WNT6: variants seen among roughly 807,000 people sequenced by gnomAD.
WNT6 encodes Wnt family member 6, also known as protein Wnt-6.
A neutral mutation model predicts 33.1 loss-of-function variants in WNT6; 27 were observed. The observed-to-expected ratio is 0.82, with a 90% confidence interval of 0.60 to 1.12. The LOEUF is 1.12. Among genes scored for constraint, WNT6 ranks in the 50% most tolerant of loss-of-function variants. The probability of loss-of-function intolerance (pLI) is 0.00; values close to 1 mark genes in which losing one functional copy is unlikely to be tolerated. For missense variants in WNT6, 494 were observed against 535.3 expected (o/e 0.92, Z 0.76); for synonymous variants, 249 against 242.8 (o/e 1.03, Z -0.24).
chr2:218,864,250 T>C (rs1258725494), intron 1 of WNT6, among the ~76,000 whole-genome samples: 2 of 152,134 alleles, frequency 1.3e-5, no homozygotes. Flanking sequence ...CCTCTGTTTT[T>C]TTCTTTTCTT....
chr2:218,868,004 T>C (rs1309100289), intron 1 of WNT6, among the ~76,000 whole-genome samples: 2 of 152,142 alleles, frequency 1.3e-5, no homozygotes, highest in Non-Finnish European at 2.9e-5. Flanking sequence ...CAATGCCCCC[T>C]GCCACGCCCC....
Position 218,873,443 on chromosome 2 carries a change from G to A in WNT6, c.696G>A (p.Ala232=), listed in dbSNP as rs1041777597. The A allele has an allele frequency of 3.9e-6, 6 of 1,538,348 alleles. No homozygotes were observed. The highest frequency in any genetic ancestry group is 5.2e-6 in the Non-Finnish European group (6 of 1,146,658). ...CKCHGLSGSC[A]LRTCWQKLPP... is the part of the protein sequence containing the mutation. ...GCCACGGGCTGTCGGGATCATGCGCGCTGCGCACCTGCTGGCAGAAGCTGC... is the reference window on the plus strand; with the variant it reads ...GCCACGGGCTGTCGGGATCATGCGCACTGCGCACCTGCTGGCAGAAGCTGC... Residue 232 remains alanine, a synonymous_variant, in exon 4 of 4, where the codon GCG becomes GCA. Transcript: ENST00000233948. This position sits in a 1 kb window ranked among gnomAD's most constrained non-coding sequence, Gnocchi z 6.1.
chr2:218,861,412 C>G (rs552120508), intron 1 of WNT6, among the ~76,000 whole-genome samples: 1 of 152,320 alleles, frequency 6.6e-6, no homozygotes, highest in South Asian at 2.1e-4. Flanking sequence ...CTTCCTTTCC[C>G]TACCTCTCAG....
chr2:218,873,815 T>A lies in WNT6; in HGVS notation c.1068T>A (p.Arg356=), dbSNP rs1430462269. The change falls in exon 4 of 4, where the codon CGT becomes CGA. Residue 356 remains arginine, a synonymous_variant. Coordinates refer to ENST00000233948, the MANE Select transcript of WNT6 (RefSeq NM_006522.4). The surrounding 1 kb of genome is among the most constrained non-coding windows in gnomAD (Gnocchi z 6.1). ...GCGTAGTACAGTGCCACCGCTGCCG[T>A]GTGCGCAAGGAGCTCAGCCTCTGCC... ...WCCVVQCHRC[R]VRKELSLCL is the part of the protein sequence containing the mutation. 1 of 1,540,996 alleles carries A rather than the reference T, an allele frequency of 6.5e-7. No homozygotes were observed.
chr2:218,871,871 C>A lies in WNT6; in HGVS notation c.636+52C>A. The A allele has an allele frequency of 6.8e-7, 1 of 1,472,936 alleles. No individual in the cohort carries two copies. Among genetic ancestry groups the A allele is most frequent in the South Asian group, 1.3e-5 (1 of 75,114 alleles). 91.2% of individuals were successfully genotyped at this position (1,472,936 alleles called of 1,614,324 possible). On this transcript the variant is annotated intron_variant, in intron 3 of 3. Coordinates refer to ENST00000233948, the MANE Select transcript of WNT6 (RefSeq NM_006522.4). This position sits in a 1 kb window ranked among gnomAD's most constrained non-coding sequence, Gnocchi z 6.4. ...GTGTGCGGAAATGTGAGTGTGCGCG[C>A]AGGAGTGTGCTTGAGGAAGTGTTGG...
chr2:218,865,265 C>T (rs1944344970), intron 1 of WNT6, among the ~76,000 whole-genome samples: 1 of 152,196 alleles, frequency 6.6e-6, no homozygotes, highest in African/African-American at 2.4e-5. Context: ...AGGGTGGCCG[C>T]AGGACGCCTG....
rs1199885118 is a variant in WNT6 at position 218,873,270 on chromosome 2, A to G, written c.637-114A>G. Reference sequence around the variant, plus strand: ...GAACTTGCGGTCTCCTTTTGTCTGCATTTTCCTCTCTTCCTTTCACCTCCC... The same window carrying G: ...GAACTTGCGGTCTCCTTTTGTCTGCGTTTTCCTCTCTTCCTTTCACCTCCC... On this transcript the variant is annotated intron_variant, in intron 3 of 3. Coordinates refer to ENST00000233948, the MANE Select transcript of WNT6 (RefSeq NM_006522.4). The surrounding 1 kb of genome is among the most constrained non-coding windows in gnomAD (Gnocchi z 6.1). The G allele has an allele frequency of 7.3e-6, 8 of 1,096,280 alleles. No individual in the cohort carries two copies. Among genetic ancestry groups the G allele is most frequent in the Non-Finnish European group, 1.0e-5 (8 of 785,096 alleles). The allele number at this position is 1,096,280 out of a possible 1,614,324, so 67.9% of individuals were successfully genotyped here. A position where few individuals can be genotyped will look rare whatever the true frequency, so the allele number is the denominator to read the frequency against.
chr2:218,868,370 G>A (rs936729916), intron 1 of WNT6, among the ~76,000 whole-genome samples: 2 of 152,152 alleles, frequency 1.3e-5, no homozygotes, highest in African/African-American at 4.8e-5. Flanking sequence ...AGGAGGGAGA[G>A]GAGAAGGATG....
intron 1 of WNT6, among the ~76,000 whole-genome samples, chr2:218,868,514 G>A (rs1174349926): frequency 6.6e-6 from 1 of 152,170 alleles, no homozygotes; most frequent in Non-Finnish European, 1.5e-5. Context: ...TGAGCTTGCA[G>A]AGCCCCCGAC....
chr2:218,873,899 G>A lies in WNT6; in HGVS notation c.*54G>A. 1.4e-6 allele frequency: 2 copies of A among 1,390,322 alleles called. No individual in the cohort carries two copies. Among genetic ancestry groups the A allele is most frequent in the Non-Finnish European group, 1.9e-6 (2 of 1,076,136 alleles). The allele number at this position is 1,390,322 out of a possible 1,614,324, so 86.1% of individuals were successfully genotyped here. A position where few individuals can be genotyped will look rare whatever the true frequency, so the allele number is the denominator to read the frequency against. On this transcript the variant is annotated 3_prime_UTR_variant, in exon 4 of 4. Coordinates refer to ENST00000233948, the MANE Select transcript of WNT6 (RefSeq NM_006522.4). The surrounding 1 kb of genome is among the most constrained non-coding windows in gnomAD (Gnocchi z 6.1). ...GCGCAGCGGTGGCTCGCACCTGTGG[G>A]ACCTCAGGGCACCGGCACCGGGCGC... is the stretch of plus-strand genomic sequence containing the variant.
intron 1 of WNT6, among the ~76,000 whole-genome samples, chr2:218,870,727 G>C (rs535613555): frequency 1.5e-4 from 23 of 152,340 alleles, no homozygotes; most frequent in Non-Finnish European, 2.8e-4. Flanking sequence ...TGACTTACCT[G>C]ATGCCAGCTG....
rs1221285633 is a variant in WNT6 at position 218,873,737 on chromosome 2, C to T, written c.990C>T (p.Arg330=). ...TGCTGTGCTGCGGCCGCGGGCACCG[C>T]CAGGAGAGCGTGCAGCTCGAAGAGA... ...CDLLCCGRGH[R]QESVQLEENC... is the part of the protein sequence containing the mutation. The change falls in exon 4 of 4, where the codon CGC becomes CGT. Residue 330 remains arginine, a synonymous_variant. Coordinates refer to ENST00000233948, the MANE Select transcript of WNT6 (RefSeq NM_006522.4). The surrounding 1 kb of genome is among the most constrained non-coding windows in gnomAD (Gnocchi z 6.1). 1 of 1,580,240 alleles carries T rather than the reference C, an allele frequency of 6.3e-7. No homozygotes were observed. Among genetic ancestry groups the T allele is most frequent in the East Asian group, 2.3e-5 (1 of 43,318 alleles).
Position 218,867,957 on chromosome 2 carries a change from G to A in WNT6, c.81-3070G>A, listed in dbSNP as rs1415668718. 6.6e-6 allele frequency among the ~76,000 whole-genome samples: 1 copy of A among 152,246 alleles called. No homozygotes were observed. The highest frequency in any genetic ancestry group is 2.4e-5 in the African/African-American group (1 of 41,472). On this transcript the variant is annotated intron_variant, in intron 1 of 3. Transcript: ENST00000233948. This position sits in a 1 kb window ranked among gnomAD's most constrained non-coding sequence, Gnocchi z 4.9. Reference sequence around the variant, plus strand: ...TGGCTCAGCCCACACAGAGTTGACAGAAACCAGAGATCGGAAGCGAAGCTT... The same window carrying A: ...TGGCTCAGCCCACACAGAGTTGACAAAAACCAGAGATCGGAAGCGAAGCTT...
rs1944290565 is a variant in WNT6 at position 218,859,938 on chromosome 2, T to TGCGCTCGCC, written c.-91_-83dup. ...TCCCTCGCCTCCCGGCCGCCGCCGT[T>TGCGCTCGCC]GCGCTCGCCGCGCTCGCACTGAAGC... On this transcript the variant is annotated 5_prime_UTR_variant, in exon 1 of 4. Coordinates refer to ENST00000233948, the MANE Select transcript of WNT6 (RefSeq NM_006522.4). The TGCGCTCGCC allele has an allele frequency of 6.7e-6, 7 of 1,045,618 alleles. No homozygotes were observed. In the South Asian group the frequency reaches 3.2e-4, roughly 48 times the overall value. The allele number at this position is 1,045,618 out of a possible 1,614,324, so 64.8% of individuals were successfully genotyped here.
chr2:218,865,951 A>G, intron 1 of WNT6, among the ~76,000 whole-genome samples: 1 of 87,980 alleles, frequency 1.1e-5, no homozygotes. Flanking sequence ...GGCAGTGGGG[A>G]GGCAGGGGTT....
At chr2:218,866,083 C>CG (rs34766268) in intron 1 of WNT6, among the ~76,000 whole-genome samples, 151,083 of 151,098 alleles carry the variant, frequency 1, 75,534 homozygotes, top group Middle Eastern at 1. Context: ...GGCACAGGCC[C>CG]GGCCCAGCCG....
chr2:218,865,673 C>T (rs1204418603), intron 1 of WNT6, among the ~76,000 whole-genome samples: 1 of 152,070 alleles, frequency 6.6e-6, no homozygotes, highest in African/African-American at 2.4e-5. Flanking sequence ...CACAGGATCT[C>T]CCACAGGCCT....
Position 218,873,137 on chromosome 2 carries a change from C to A in WNT6, c.637-247C>A, listed in dbSNP as rs962901219. ...GCCTTTGGACCCTGGAATCTCTGCG[C>A]TGCATATTGTCCCCGTCTCCCCTCT... On this transcript the variant is annotated intron_variant, in intron 3 of 3. Transcript: ENST00000233948. This position sits in a 1 kb window ranked among gnomAD's most constrained non-coding sequence, Gnocchi z 6.1. Among the ~76,000 whole-genome samples the A allele has an allele frequency of 1.3e-5, 2 of 152,118 alleles. No homozygotes were observed. Among genetic ancestry groups the A allele is most frequent in the African/African-American group, 4.8e-5 (2 of 41,402 alleles).
intron 1 of WNT6, among the ~76,000 whole-genome samples, chr2:218,868,778 A>G (rs552043540): frequency 3.9e-5 from 6 of 152,324 alleles, no homozygotes; most frequent in South Asian, 2.1e-4. Context: ...AATTCATACT[A>G]TGCAATTTTT....
Sources: allele counts gnomAD v4.1 joint callset (sites outside exome capture counted in the v4.1 genomes callset), GRCh38; gene constraint gnomAD v4.1.1; non-coding constraint Gnocchi (gnomAD v3.1); transcripts MANE v1.5; gene names NCBI Gene and HGNC (gene_info 2026-07-23, HGNC 2026-07-21).